CCDC178: variants seen among roughly 807,000 people sequenced by gnomAD.
CCDC178 encodes the protein coiled-coil domain-containing protein 178.
A neutral mutation model predicts 117.4 loss-of-function variants in CCDC178; 126 were observed. The observed-to-expected ratio is 1.07, with a 90% CI of 0.93 to 1.24. The LOEUF is 1.24. Among genes scored for constraint, CCDC178 ranks in the 50% most tolerant of loss-of-function variants. The probability of loss-of-function intolerance (pLI) is 0.00; values close to 1 mark genes in which losing one functional copy is unlikely to be tolerated. For missense variants in CCDC178, 1,030 were observed against 986.9 expected (o/e 1.04, Z -0.59); for synonymous variants, 283 against 313.4 (o/e 0.90, Z 1.02).
At chr18:32,980,153 A>G (rs2055118353) in intron 21 of CCDC178, among the ~76,000 whole-genome samples, 1 of 26,120 alleles carries the variant, frequency 3.8e-5, no homozygotes, top group Admixed American at 5.8e-4. Flanking sequence ...TAAAATGATA[A>G]CTTCTAATGG....
At chr18:33,319,230 C>T (rs1009398867) in intron 11 of CCDC178, among the ~76,000 whole-genome samples, 2 of 151,634 alleles carry the variant, frequency 1.3e-5, no homozygotes, top group African/African-American at 4.8e-5. Flanking sequence ...TGTGATGTTC[C>T]CCTTCCTGTG....
chr18:33,370,240 T>C, intron 5 of CCDC178, 51 bp from the exon 6 acceptor site: 1 of 1,407,718 alleles, frequency 7.1e-7, no homozygotes, highest in South Asian at 1.4e-5. Flanking sequence ...AAGTAGTAAA[T>C]TTTGATGTTC....
At chr18:33,011,548 A>G (rs938213805) in intron 21 of CCDC178, among the ~76,000 whole-genome samples, 9 of 151,996 alleles carry the variant, frequency 5.9e-5, no homozygotes, top group Admixed American at 3.9e-4. Flanking sequence ...CACACCGTCC[A>G]GGCGAAATAT....
intron 22 of CCDC178, 122 bp downstream of exon 22, chr18:32,974,425 A>T: frequency 2.3e-6 from 2 of 869,398 alleles, no homozygotes; most frequent in Non-Finnish European, 3.6e-6. Context: ...CCAGTTTATT[A>T]AAGAGGTTAA....
In CCDC178 at chr18:33,030,522, A is replaced by AAGATAGATAGATAGAT. The variant is rs61043322; in HGVS notation, c.2389-55857_2389-55842dup. 2.0e-3 allele frequency among the ~76,000 whole-genome samples: 282 copies of AAGATAGATAGATAGAT among 140,866 alleles called. 1 individual carries two copies. Among genetic ancestry groups the AAGATAGATAGATAGAT allele is most frequent in the Admixed American group, 3.2e-3 (45 of 14,142 alleles). The allele number at this position is 140,866 out of a possible 152,430, so 92.4% of individuals were successfully genotyped here. ...GGAGTTCTCCAGACAGAACTGATAG[A>AAGATAGATAGATAGAT]AGATAGATAGATAGATAGATAGATA... On this transcript the variant is annotated intron_variant, in intron 21 of 22. Coordinates refer to ENST00000383096, the MANE Select transcript of CCDC178 (RefSeq NM_001105528.4).
intron 8 of CCDC178, among the ~76,000 whole-genome samples, chr18:33,346,687 A>G (rs1467039981): frequency 6.6e-6 from 1 of 152,114 alleles, no homozygotes; most frequent in Non-Finnish European, 1.5e-5. Context: ...ATCTGAAGGA[A>G]AAAACACATG....
intron 11 of CCDC178, among the ~76,000 whole-genome samples, chr18:33,314,199 T>TA (rs2062384711): frequency 6.3e-5 from 1 of 15,832 alleles, no homozygotes; most frequent in Non-Finnish European, 1.2e-4. Flanking sequence ...AGACTCCGTC[T>TA]CAAAAAAAAA....
At chr18:33,106,152 G>C (rs1250865626) in intron 20 of CCDC178, among the ~76,000 whole-genome samples, 2 of 151,518 alleles carry the variant, frequency 1.3e-5, no homozygotes, top group Non-Finnish European at 3.0e-5. Flanking sequence ...CTTCGGATGG[G>C]AGAAGCAATG....
intron 21 of CCDC178, among the ~76,000 whole-genome samples, chr18:33,018,263 A>G (rs2056036590): frequency 6.6e-6 from 1 of 152,124 alleles, no homozygotes; most frequent in Non-Finnish European, 1.5e-5. Flanking sequence ...TTAAAAACCA[A>G]TCAACCAAAC....
At chr18:33,085,360 G>C (rs1433509470) in intron 21 of CCDC178, among the ~76,000 whole-genome samples, 5 of 152,106 alleles carry the variant, frequency 3.3e-5, no homozygotes, top group Non-Finnish European at 4.4e-5. Flanking sequence ...TCAGGGGATC[G>C]AGACCATCCT....
At chr18:32,982,850 G>C (rs1305012759) in intron 21 of CCDC178, among the ~76,000 whole-genome samples, 1 of 152,078 alleles carries the variant, frequency 6.6e-6, no homozygotes, top group East Asian at 1.9e-4. Flanking sequence ...AGGGTTTTTA[G>C]GGCGGTGAAA....
At chr18:32,939,461 T>C (rs967853993) in intron 22 of CCDC178, among the ~76,000 whole-genome samples, 6 of 152,144 alleles carry the variant, frequency 3.9e-5, no homozygotes, top group African/African-American at 1.2e-4. Context: ...CCTATGAGAA[T>C]AGTCAAACGT....
intron 21 of CCDC178, among the ~76,000 whole-genome samples, chr18:32,988,698 T>C (rs2055323266): frequency 6.6e-6 from 1 of 151,728 alleles, no homozygotes; most frequent in East Asian, 1.9e-4. Flanking sequence ...ATTCACAGAG[T>C]TCTTAGGAAA....
At chr18:32,967,164 A>G (rs1041496681) in intron 22 of CCDC178, among the ~76,000 whole-genome samples, 1 of 151,756 alleles carries the variant, frequency 6.6e-6, no homozygotes, top group African/African-American at 2.4e-5. Context: ...TGTTTATATT[A>G]AATTACATTA....
chr18:33,428,955 G>C (rs576111685), intron 2 of CCDC178, among the ~76,000 whole-genome samples: 175 of 151,086 alleles, frequency 1.2e-3, no homozygotes, highest in African/African-American at 4.1e-3. Context: ...AATGGAATTA[G>C]GAGAATTACA....
At chr18:33,248,840 A>T (rs1436238625) in intron 14 of CCDC178, among the ~76,000 whole-genome samples, 1 of 152,132 alleles carries the variant, frequency 6.6e-6, no homozygotes, top group Non-Finnish European at 1.5e-5. Context: ...AGGAATCGCC[A>T]CACTGTCTTC....
At chr18:33,434,437 G>C (rs1293761969) in intron 2 of CCDC178, among the ~76,000 whole-genome samples, 1 of 152,098 alleles carries the variant, frequency 6.6e-6, no homozygotes. Flanking sequence ...TTTTATACAT[G>C]ATTTCATGGC....
chr18:33,357,937 G>A (rs1476916976), intron 6 of CCDC178, among the ~76,000 whole-genome samples: 1 of 147,632 alleles, frequency 6.8e-6, no homozygotes, highest in Non-Finnish European at 1.5e-5. Context: ...TTCATTGCTA[G>A]GCAATTCTGT....
intron 15 of CCDC178, among the ~76,000 whole-genome samples, chr18:33,240,096 T>C (rs775935337): frequency 2.5e-4 from 38 of 151,856 alleles, no homozygotes; most frequent in Non-Finnish European, 3.8e-4. Flanking sequence ...AGATTAAAAC[T>C]ATACAAATGC....
Sources: allele counts gnomAD v4.1 joint callset (sites outside exome capture counted in the v4.1 genomes callset), GRCh38; gene constraint gnomAD v4.1.1; transcripts MANE v1.5; gene names NCBI Gene and HGNC (gene_info 2026-07-23, HGNC 2026-07-21).